The following GALNTL6 variants were observed in gnomAD, a reference collection of about 807,000 sequenced individuals.
The protein encoded by GALNTL6 is polypeptide N-acetylgalactosaminyltransferase-like 6.
Under a neutral mutation model 73.7 loss-of-function variants are expected in GALNTL6, and 46 were observed. That is an observed-to-expected ratio of 0.62 (90% CI 0.49 to 0.80). GALNTL6 has a LOEUF of 0.80. Ranked by LOEUF, GALNTL6 falls within the 30% of genes least tolerant of loss-of-function variation. The pLI, the probability that GALNTL6 is intolerant of heterozygous loss-of-function variation, is 0.00. For synonymous variants in GALNTL6, 259 were observed against 263.7 expected, an observed-to-expected ratio of 0.98 and a Z score of 0.17; for missense variants, 604 against 755.0, an observed-to-expected ratio of 0.80 and a Z score of 2.34.
chr4:173,028,264 A>G (rs1753314519), intron 12 of GALNTL6, among the ~76,000 whole-genome samples: 1 of 152,220 alleles, frequency 6.6e-6, no homozygotes, highest in African/African-American at 2.4e-5. Context: ...GTATCAAAAC[A>G]TTACAAAGGT....
intron 2 of GALNTL6, among the ~76,000 whole-genome samples, chr4:172,018,383 G>A (rs185622385): frequency 6.6e-6 from 1 of 152,218 alleles, no homozygotes; most frequent in Admixed American, 6.5e-5. Context: ...AGGGCTTGCT[G>A]AGGCCACTGT....
At chr4:172,657,015 C>G (rs755054748) in intron 5 of GALNTL6, among the ~76,000 whole-genome samples, 7 of 152,034 alleles carry the variant, frequency 4.6e-5, no homozygotes, top group Admixed American at 6.5e-5. Context: ...CAATAACCTC[C>G]TTTCATTAGT....
At chr4:172,765,436 C>T (rs1738352187) in intron 5 of GALNTL6, among the ~76,000 whole-genome samples, 1 of 152,172 alleles carries the variant, frequency 6.6e-6, no homozygotes, top group Non-Finnish European at 1.5e-5. Context: ...TGGTAAATAT[C>T]TCATGGAATT....
intron 5 of GALNTL6, among the ~76,000 whole-genome samples, chr4:172,453,726 A>G (rs1456357691): frequency 6.6e-6 from 1 of 152,214 alleles, no homozygotes; most frequent in African/African-American, 2.4e-5. Context: ...GGAGTTAAGG[A>G]CTTAATAAAA....
chr4:172,916,367 A>T (rs1302062421), intron 8 of GALNTL6, among the ~76,000 whole-genome samples: 1 of 152,188 alleles, frequency 6.6e-6, no homozygotes, highest in Non-Finnish European at 1.5e-5. Flanking sequence ...CACCACTCCT[A>T]TTCAACATAG....
At chr4:172,687,593 A>G in intron 5 of GALNTL6, among the ~76,000 whole-genome samples, 1 of 145,446 alleles carries the variant, frequency 6.9e-6, no homozygotes, top group Non-Finnish European at 1.5e-5. Flanking sequence ...GCGCCACTGC[A>G]CTCCAGCCTG....
At chr4:173,022,066 G>GGAAAGAAGGAAA (rs750159852) in intron 12 of GALNTL6, among the ~76,000 whole-genome samples, 1 of 118,436 alleles carries the variant, frequency 8.4e-6, no homozygotes, top group Non-Finnish European at 1.7e-5. Flanking sequence ...AAGGAAGGAA[G>GGAAAGAAGGAAA]GAAGGAAGGA....
At chr4:172,381,680 T>A (rs1743289452) in intron 5 of GALNTL6, among the ~76,000 whole-genome samples, 1 of 152,254 alleles carries the variant, frequency 6.6e-6, no homozygotes, top group Admixed American at 6.5e-5. Context: ...ATTCATCAGT[T>A]GATGGACATT....
intron 7 of GALNTL6, among the ~76,000 whole-genome samples, chr4:172,861,766 C>A (rs753272543): frequency 2.6e-5 from 4 of 152,132 alleles, no homozygotes; most frequent in Non-Finnish European, 5.9e-5. Context: ...ACGGGGAGTT[C>A]CCCCGTACAC....
At chr4:172,053,795 T>C (rs1730944808) in intron 2 of GALNTL6, among the ~76,000 whole-genome samples, 3 of 152,136 alleles carry the variant, frequency 2.0e-5, no homozygotes, top group South Asian at 4.1e-4. Flanking sequence ...TAGGTGAACA[T>C]GGACCTTTTT....
intron 2 of GALNTL6, among the ~76,000 whole-genome samples, chr4:171,997,959 T>C (rs528479388): frequency 6.6e-6 from 1 of 152,148 alleles, no homozygotes; most frequent in Non-Finnish European, 1.5e-5. Context: ...TACTCTTATA[T>C]GATGTTTTAA....
intron 10 of GALNTL6, among the ~76,000 whole-genome samples, chr4:172,959,129 G>T (rs1415512279): frequency 6.6e-6 from 1 of 152,134 alleles, no homozygotes; most frequent in Non-Finnish European, 1.5e-5. Context: ...ATTGAGTGGG[G>T]TAAGGGTGAT....
At chr4:172,356,350 C>T (rs1049648139) in intron 5 of GALNTL6, among the ~76,000 whole-genome samples, 4 of 152,044 alleles carry the variant, frequency 2.6e-5, no homozygotes, top group Non-Finnish European at 5.9e-5. Flanking sequence ...GTCAGCAAAC[C>T]TCAGCATGTG....
At chr4:172,162,875 C>T (rs1340822755) in intron 2 of GALNTL6, among the ~76,000 whole-genome samples, 3 of 152,036 alleles carry the variant, frequency 2.0e-5, no homozygotes, top group African/African-American at 7.2e-5. Flanking sequence ...TGTTTAAATT[C>T]TGCTGGCTTT....
At chr4:172,698,900 A>G (rs1448078730) in intron 5 of GALNTL6, among the ~76,000 whole-genome samples, 1 of 152,126 alleles carries the variant, frequency 6.6e-6, no homozygotes, top group East Asian at 1.9e-4. Flanking sequence ...GTTTCCTCCC[A>G]CGCCTTTTTT....
At chr4:172,082,702 A>G (rs780845062) in intron 2 of GALNTL6, among the ~76,000 whole-genome samples, 1 of 152,190 alleles carries the variant, frequency 6.6e-6, no homozygotes, top group Admixed American at 6.5e-5. Context: ...GAGAACACAG[A>G]AAATATTTTA....
At chr4:172,213,324 G>C (rs1275637895) in intron 2 of GALNTL6, among the ~76,000 whole-genome samples, 1 of 152,100 alleles carries the variant, frequency 6.6e-6, no homozygotes, top group Non-Finnish European at 1.5e-5. Flanking sequence ...TTACTGAATT[G>C]TATGAAACTG....
chr4:172,302,462 A>C (rs991699663), intron 3 of GALNTL6, among the ~76,000 whole-genome samples: 60 of 152,240 alleles, frequency 3.9e-4, no homozygotes, highest in African/African-American at 1.4e-3. Context: ...TGCTTCGCTC[A>C]TGCTGGGAGC....
intron 4 of GALNTL6, among the ~76,000 whole-genome samples, chr4:172,347,872 C>T (rs1741803381): frequency 6.6e-6 from 1 of 152,084 alleles, no homozygotes; most frequent in South Asian, 2.1e-4. Flanking sequence ...TTCATCTTCT[C>T]AGATGGTTCC....
Sources: gnomAD v4.1 joint callset for allele counts (sites outside exome capture counted in the v4.1 genomes callset) on GRCh38, gnomAD v4.1.1 for gene constraint, MANE v1.5 for transcripts, NCBI Gene and HGNC (gene_info 2026-07-23, HGNC 2026-07-21) for gene names.